The following RBFOX1 variants were observed in gnomAD, a reference collection of about 807,000 sequenced individuals.
RBFOX1 encodes the protein RNA binding protein fox-1 homolog 1.
A neutral mutation model predicts 57.7 loss-of-function variants in RBFOX1; 8 were observed. That is an observed-to-expected ratio of 0.14 (90% CI 0.08 to 0.25). RBFOX1 has a LOEUF of 0.25. Among genes scored for constraint, RBFOX1 ranks in the 10% least tolerant of loss-of-function variants. The pLI is 1.00. For synonymous variants in RBFOX1, 326 were observed against 222.4 expected (o/e 1.47, Z -4.15); for missense variants, 611 against 548.5 (o/e 1.11, Z -1.14).
At chr16:5,339,473 T>TG in intron 1 of RBFOX1, among the ~76,000 whole-genome samples, 5 of 64,488 alleles carry the variant, frequency 7.8e-5, no homozygotes, top group African/African-American at 4.2e-4. Flanking sequence ...TTTCCGTGTT[T>TG]TTTTTTTTTT....
intron 1 of RBFOX1, among the ~76,000 whole-genome samples, chr16:5,376,674 G>A (rs935430147): frequency 1.1e-4 from 16 of 147,354 alleles, no homozygotes; most frequent in Admixed American, 2.6e-4. Flanking sequence ...CATGCTGCGG[G>A]TACCATTGGT....
At chr16:7,206,719 G>A (rs1162567345) in intron 4 of RBFOX1, among the ~76,000 whole-genome samples, 1 of 152,088 alleles carries the variant, frequency 6.6e-6, no homozygotes, top group African/African-American at 2.4e-5. Context: ...GTGACAAACA[G>A]ATGCCGACGA....
intron 2 of RBFOX1, among the ~76,000 whole-genome samples, chr16:5,568,418 C>A (rs1291047544): frequency 1.3e-5 from 2 of 152,186 alleles, no homozygotes; most frequent in East Asian, 3.9e-4. Flanking sequence ...AATCTGTGAT[C>A]CCTTCCCTCA....
At chr16:6,146,841 C>G (rs538918857) in intron 1 of RBFOX1, among the ~76,000 whole-genome samples, 2 of 152,288 alleles carry the variant, frequency 1.3e-5, no homozygotes, top group African/African-American at 2.4e-5. Context: ...CAAGCTCCAC[C>G]TCGTTGCAGA....
At chr16:7,697,085 T>G (rs184153246) in intron 14 of RBFOX1, among the ~76,000 whole-genome samples, 4 of 152,294 alleles carry the variant, frequency 2.6e-5, no homozygotes, top group African/African-American at 9.6e-5. Flanking sequence ...GGTTGTAATC[T>G]GACTTTAATG....
intron 2 of RBFOX1, among the ~76,000 whole-genome samples, chr16:6,440,550 C>T (rs961915543): frequency 2.6e-5 from 4 of 152,106 alleles, no homozygotes; most frequent in African/African-American, 7.2e-5. Flanking sequence ...GCCTGTAATC[C>T]CAGCAATCTG....
chr16:7,514,913 C>T (rs7403941), intron 4 of RBFOX1, among the ~76,000 whole-genome samples: 4 of 152,156 alleles, frequency 2.6e-5, no homozygotes, highest in African/African-American at 9.7e-5. Context: ...GTGAAAGTAT[C>T]TTCTGCTGGA....
intron 3 of RBFOX1, among the ~76,000 whole-genome samples, chr16:6,905,416 G>A (rs987926184): frequency 1.3e-5 from 2 of 151,944 alleles, no homozygotes; most frequent in Non-Finnish European, 2.9e-5. Context: ...AACTGAGCAT[G>A]GTGGCACACT....
chr16:6,201,190 C>T (rs1307732599), intron 1 of RBFOX1, among the ~76,000 whole-genome samples: 1 of 152,100 alleles, frequency 6.6e-6, no homozygotes, highest in Non-Finnish European at 1.5e-5. Context: ...ACCACAGTGG[C>T]TTTCTTCATT....
At chr16:7,449,573 C>G (rs1214271912) in intron 4 of RBFOX1, among the ~76,000 whole-genome samples, 2 of 152,128 alleles carry the variant, frequency 1.3e-5, no homozygotes, top group African/African-American at 4.8e-5. Flanking sequence ...TTAGGACCAT[C>G]TCTTTAACCT....
At chr16:7,164,133 G>C (rs973769546) in intron 4 of RBFOX1, among the ~76,000 whole-genome samples, 1 of 151,950 alleles carries the variant, frequency 6.6e-6, no homozygotes, top group Non-Finnish European at 1.5e-5. Context: ...CCTTTACCCA[G>C]AGTCCCCAGA....
At chr16:5,616,960 G>T (rs1438626029) in intron 3 of RBFOX1, among the ~76,000 whole-genome samples, 1 of 128,880 alleles carries the variant, frequency 7.8e-6, no homozygotes, top group African/African-American at 2.9e-5. Flanking sequence ...GATACTTATT[G>T]GCAGTACCCT....
chr16:5,833,317 C>A (rs1457161948), intron 3 of RBFOX1, among the ~76,000 whole-genome samples: 1 of 151,742 alleles, frequency 6.6e-6, no homozygotes, highest in Non-Finnish European at 1.5e-5. Flanking sequence ...CACGGTGAAA[C>A]CCCATCTCTA....
chr16:7,375,063 G>C (rs1300919324), intron 4 of RBFOX1, among the ~76,000 whole-genome samples: 2 of 152,214 alleles, frequency 1.3e-5, no homozygotes, highest in Non-Finnish European at 2.9e-5. Context: ...TATGTTTCAG[G>C]AGGAGAAAGA....
intron 1 of RBFOX1, among the ~76,000 whole-genome samples, chr16:5,304,028 C>G (rs2151203715): frequency 6.6e-6 from 1 of 152,264 alleles, no homozygotes; most frequent in East Asian, 1.9e-4. Flanking sequence ...TTGATCATAA[C>G]TTAATTTTTC....
At chr16:6,423,022 C>A (rs924123793) in intron 2 of RBFOX1, among the ~76,000 whole-genome samples, 1 of 152,210 alleles carries the variant, frequency 6.6e-6, no homozygotes, top group Non-Finnish European at 1.5e-5. Context: ...GTATTCCATG[C>A]TGTATATGTA....
intron 3 of RBFOX1, among the ~76,000 whole-genome samples, chr16:5,668,598 T>C (rs1364158578): frequency 6.6e-6 from 1 of 152,160 alleles, no homozygotes; most frequent in Admixed American, 6.5e-5. Flanking sequence ...TGGGAAGGCT[T>C]TGGGGGAAGT....
At chr16:7,337,205 T>G (rs1157730585) in intron 4 of RBFOX1, among the ~76,000 whole-genome samples, 3 of 152,120 alleles carry the variant, frequency 2.0e-5, no homozygotes, top group African/African-American at 7.2e-5. Flanking sequence ...GGACTGGATT[T>G]GTTGAACCAG....
chr16:5,613,982 T>A (rs1010148305), intron 3 of RBFOX1, among the ~76,000 whole-genome samples: 4 of 151,888 alleles, frequency 2.6e-5, no homozygotes, highest in Non-Finnish European at 5.9e-5. Flanking sequence ...TTGACCTAGG[T>A]CAGTTCCCTC....
Sources: allele counts gnomAD v4.1 joint callset (sites outside exome capture counted in the v4.1 genomes callset), GRCh38; gene constraint gnomAD v4.1.1; transcripts MANE v1.5; gene names NCBI Gene and HGNC (gene_info 2026-07-23, HGNC 2026-07-21).